The following RAI14 variants were observed in gnomAD, a reference collection of about 807,000 sequenced individuals.
RAI14 encodes the protein ankycorbin.
In RAI14, 45 loss-of-function variants were observed where a neutral mutation model predicts 115.4. The ratio of observed to expected loss-of-function variants is 0.39; its 90% CI spans 0.31 to 0.50. The LOEUF (loss-of-function observed/expected upper bound fraction) is 0.50, where lower values mean the gene tolerates loss of function less well. Among genes scored for constraint, RAI14 ranks in the 20% least tolerant of loss-of-function variants. The pLI is 0.85. For missense variants in RAI14, 939 were observed against 1,131.2 expected, an observed-to-expected ratio of 0.83 and a Z score of 2.44; for synonymous variants, 371 against 415.4, an observed-to-expected ratio of 0.89 and a Z score of 1.30.
chr5:34,768,028 C>T (rs1304763160), intron 3 of RAI14, among the ~76,000 whole-genome samples: 1 of 151,946 alleles, frequency 6.6e-6, no homozygotes, highest in South Asian at 2.1e-4. Context: ...ATGGTAGATT[C>T]ACCGACAGTT....
At chr5:34,793,916 C>A (rs1753212429) in intron 3 of RAI14, among the ~76,000 whole-genome samples, 1 of 152,072 alleles carries the variant, frequency 6.6e-6, no homozygotes, top group Non-Finnish European at 1.5e-5. Flanking sequence ...TGAGGAGACT[C>A]CATATTCCCA....
chr5:34,817,333 T>C (rs564685735), intron 12 of RAI14, among the ~76,000 whole-genome samples: 1 of 151,236 alleles, frequency 6.6e-6, no homozygotes, highest in South Asian at 2.1e-4. Context: ...TTAAAAAGAC[T>C]GATACTACCA....
chr5:34,798,318 C>T (rs531443221), intron 4 of RAI14, among the ~76,000 whole-genome samples: 4 of 150,822 alleles, frequency 2.7e-5, no homozygotes, highest in East Asian at 2.0e-4. Context: ...GAATTACAGG[C>T]GTGAGCCACC....
At chr5:34,747,989 C>T (rs1399537870) in intron 2 of RAI14, among the ~76,000 whole-genome samples, 1 of 152,132 alleles carries the variant, frequency 6.6e-6, no homozygotes, top group Non-Finnish European at 1.5e-5. Context: ...GCATGGGGGA[C>T]CCCAGCAAAG....
At position 34,752,737 on chromosome 5, in the gene RAI14, G is replaced by GTATATATATA. The variant is rs1188674461; in HGVS notation, c.37-4730_37-4729insATATATATAT. 1.4e-3 allele frequency among the ~76,000 whole-genome samples: 143 copies of GTATATATATA among 101,414 alleles called. 6 individuals are homozygous for GTATATATATA. Among genetic ancestry groups the GTATATATATA allele is most frequent in the East Asian group, 6.7e-3 (24 of 3,600 alleles). The allele number at this position is 101,414 out of a possible 152,430, so 66.5% of individuals were successfully genotyped here. A position where few individuals can be genotyped will look rare whatever the true frequency, so the allele number is the denominator to read the frequency against. ...TGTGTGTGTGTGTGTGTGTGTGTGT[G>GTATATATATA]TGTGTGTGTGTGTATATATATATAT... On this transcript the variant is annotated intron_variant, in intron 2 of 17. Transcript: ENST00000265109.
At chr5:34,759,274 A>T (rs1337053235) in intron 3 of RAI14, among the ~76,000 whole-genome samples, 1 of 152,054 alleles carries the variant, frequency 6.6e-6, no homozygotes, top group Non-Finnish European at 1.5e-5. Flanking sequence ...AAGGGAAAAA[A>T]AAAAGGTTGA....
chr5:34,743,299 T>A (rs1287971220), intron 2 of RAI14, among the ~76,000 whole-genome samples: 2 of 152,202 alleles, frequency 1.3e-5, no homozygotes, highest in Non-Finnish European at 2.9e-5. Flanking sequence ...TGTCTCCTGG[T>A]TCTGGTGGTT....
chr5:34,660,391 C>T (rs960154571), intron 1 of RAI14, among the ~76,000 whole-genome samples: 2 of 152,124 alleles, frequency 1.3e-5, no homozygotes, highest in East Asian at 3.9e-4. Context: ...GAGATCCCAC[C>T]GGCCATTGTA....
At chr5:34,822,686 T>C (rs1757002515) in intron 14 of RAI14, among the ~76,000 whole-genome samples, 1 of 99,648 alleles carries the variant, frequency 1.0e-5, no homozygotes, top group African/African-American at 5.1e-5. Context: ...TTTTTTTTTT[T>C]TTTTTTTTTT....
chr5:34,791,459 G>A lies in RAI14; in HGVS notation c.168-4480G>A, dbSNP rs554428020. On this transcript the variant is annotated intron_variant, in intron 3 of 17. Coordinates refer to ENST00000265109, the MANE Select transcript of RAI14 (RefSeq NM_015577.3). The surrounding 1 kb of genome is among the most constrained non-coding windows in gnomAD (Gnocchi z 5.4). Reference sequence around the variant, plus strand: ...CCATTACATTTTAGCCACAATGCCCGTATATTAAATAAGCAAACAAACTAT... The same window carrying A: ...CCATTACATTTTAGCCACAATGCCCATATATTAAATAAGCAAACAAACTAT... Among the ~76,000 whole-genome samples the A allele has an allele frequency of 4.0e-5, 6 of 151,654 alleles. No individual in the cohort carries two copies. The highest frequency in any genetic ancestry group is 4.2e-4 in the South Asian group (2 of 4,778).
In RAI14 at chr5:34,831,833, T is replaced by C. The variant is rs1758035403; in HGVS notation, c.*1068T>C. On this transcript the variant is annotated 3_prime_UTR_variant, in exon 18 of 18. Transcript: ENST00000265109. ...ACCCCTAGAACTTTCAGCCATGGTG[T>C]CTTCAGAATTGTAGCGCATTTCTGA... The C allele has an allele frequency of 1.3e-5, 2 of 152,194 alleles. No homozygotes were observed. Among genetic ancestry groups the C allele is most frequent in the African/African-American group, 4.8e-5 (2 of 41,464 alleles). The allele number at this position is 152,194 out of a possible 1,614,324, so 9.4% of individuals were successfully genotyped here.
intron 1 of RAI14, chr5:34,656,841 C>T (rs1335485643): frequency 1.3e-5 from 2 of 152,562 alleles, no homozygotes. Flanking sequence ...AATGAGCAGA[C>T]CCGGAGATGC....
intron 2 of RAI14, among the ~76,000 whole-genome samples, chr5:34,742,326 T>A (rs573461446): frequency 6.6e-6 from 1 of 152,340 alleles, no homozygotes; most frequent in East Asian, 1.9e-4. Context: ...TTGGTCAACA[T>A]TTTAATAAAT....
intron 2 of RAI14, among the ~76,000 whole-genome samples, chr5:34,724,893 A>T (rs866278636): frequency 6.6e-6 from 1 of 152,192 alleles, no homozygotes; most frequent in Non-Finnish European, 1.5e-5. Context: ...GCCCTCTGTT[A>T]AATTGAAGTT....
At chr5:34,699,896 T>C (rs1245152851) in intron 2 of RAI14, among the ~76,000 whole-genome samples, 1 of 152,102 alleles carries the variant, frequency 6.6e-6, no homozygotes, top group East Asian at 1.9e-4. Context: ...ATAGTAATCA[T>C]GGGTAATCTT....
chr5:34,794,583 A>G (rs1753289841), intron 3 of RAI14, among the ~76,000 whole-genome samples: 1 of 152,228 alleles, frequency 6.6e-6, no homozygotes, highest in African/African-American at 2.4e-5. Context: ...GAGTAGAGCC[A>G]GGTAAGCTAA....
rs770682077 is a variant in RAI14 at position 34,823,331 on chromosome 5, A to G, written c.1489A>G (p.Lys497Glu). 2.5e-6 allele frequency: 4 copies of G among 1,614,070 alleles called. No homozygotes were observed. The African/African-American group carries it at 5.3e-5, about 21-fold the overall frequency. Reference protein sequence around the residue: ...ETQSKYEEAMKEVLSVQKQMK... With the variant: ...ETQSKYEEAMEEVLSVQKQMK... ...TCAGAGCAAATACGAGGAGGCTATG[A>G]AAGAAGTCCTTAGTGTGCAGAAGCA... is the stretch of plus-strand genomic sequence containing the variant. The change falls in exon 15 of 18, where the codon AAA becomes GAA. Residue 497 changes from lysine to glutamate, a missense_variant. Coordinates refer to ENST00000265109, the MANE Select transcript of RAI14 (RefSeq NM_015577.3). This position sits in a 1 kb window ranked among gnomAD's most constrained non-coding sequence, Gnocchi z 4.5.
chr5:34,673,097 G>T (rs1332029593), intron 1 of RAI14, among the ~76,000 whole-genome samples: 1 of 152,114 alleles, frequency 6.6e-6, no homozygotes, highest in African/African-American at 2.4e-5. Flanking sequence ...TTTCTTGAGG[G>T]TTTAAAAATC....
chr5:34,758,489 G>A (rs888412839), intron 3 of RAI14, among the ~76,000 whole-genome samples: 4 of 152,126 alleles, frequency 2.6e-5, no homozygotes, highest in Admixed American at 6.5e-5. Flanking sequence ...GTGATCCCAG[G>A]AAGCGTAAGA....
Sources: allele counts gnomAD v4.1 joint callset (sites outside exome capture counted in the v4.1 genomes callset), GRCh38; gene constraint gnomAD v4.1.1; non-coding constraint Gnocchi (gnomAD v3.1); transcripts MANE v1.5; gene names NCBI Gene and HGNC (gene_info 2026-07-23, HGNC 2026-07-21).